Variants in RBP7 observed in about 807,000 individuals in gnomAD.
RBP7 encodes the protein retinol binding protein 7.
RBP7 carries 13 observed loss-of-function variants against 16.7 expected under a neutral mutation model. The ratio of observed to expected loss-of-function variants is 0.78; its 90% CI spans 0.51 to 1.24. The LOEUF is 1.24. Ranked by LOEUF, RBP7 falls within the 50% of genes most tolerant of loss-of-function variation. The probability of loss-of-function intolerance (pLI) is 0.00; values close to 1 mark genes in which losing one functional copy is unlikely to be tolerated. For missense variants in RBP7, 145 were observed against 159.5 expected (o/e 0.91, Z 0.49); for synonymous variants, 54 against 56.2 (o/e 0.96, Z 0.17).
chr1:10,011,397 G>C (rs1443327536), intron 3 of RBP7, among the ~76,000 whole-genome samples: 1 of 152,182 alleles, frequency 6.6e-6, no homozygotes. Context: ...TAAAGAAAAA[G>C]GCTAATCTAT....
intron 1 of RBP7, among the ~76,000 whole-genome samples, chr1:9,999,684 C>G (rs754535673): frequency 6.6e-6 from 1 of 152,150 alleles, no homozygotes; most frequent in Non-Finnish European, 1.5e-5. Flanking sequence ...TTCTGAAAAC[C>G]AGCAACTGTG....
intron 3 of RBP7, among the ~76,000 whole-genome samples, chr1:10,013,572 G>T (rs1221180808): frequency 6.6e-6 from 1 of 152,006 alleles, no homozygotes; most frequent in Non-Finnish European, 1.5e-5. Context: ...ATTTTGGAAG[G>T]TCGGGGCAGG....
chr1:10,004,793 A>G (rs1319132586), intron 1 of RBP7, among the ~76,000 whole-genome samples: 18 of 152,190 alleles, frequency 1.2e-4, no homozygotes, highest in Admixed American at 1.2e-3. Context: ...ATAGGAAATG[A>G]GCCTGAGTAA....
At chr1:10,015,307 GCACA>G in intron 3 of RBP7, among the ~76,000 whole-genome samples, 1 of 152,054 alleles carries the variant, frequency 6.6e-6, no homozygotes, top group Non-Finnish European at 1.5e-5. Context: ...GAGCATGGTG[GCACA>G]CACCTGTAAT....
chr1:10,014,334 GC>G (rs1374692430), intron 3 of RBP7, among the ~76,000 whole-genome samples: 1 of 151,832 alleles, frequency 6.6e-6, no homozygotes, highest in Non-Finnish European at 1.5e-5. Context: ...TTCCTACTTT[GC>G]CCTATGCGTC....
At chr1:10,012,939 CA>C (rs760583223) in intron 3 of RBP7, among the ~76,000 whole-genome samples, 182 of 71,344 alleles carry the variant, frequency 2.6e-3, no homozygotes, top group Middle Eastern at 8.3e-3. Context: ...GAAACTGTCT[CA>C]AAAAAAAAAA....
chr1:10,013,397 G>C (rs1369255504), intron 3 of RBP7, among the ~76,000 whole-genome samples: 1 of 151,360 alleles, frequency 6.6e-6, no homozygotes, highest in Non-Finnish European at 1.5e-5. Context: ...AAAAATATTT[G>C]GTTGCTGGGT....
intron 3 of RBP7, among the ~76,000 whole-genome samples, chr1:10,012,419 T>C (rs1340962204): frequency 6.6e-6 from 1 of 151,548 alleles, no homozygotes; most frequent in Non-Finnish European, 1.5e-5. Flanking sequence ...CCTTCGCAAA[T>C]ACGTAATATG....
intron 1 of RBP7, among the ~76,000 whole-genome samples, chr1:10,001,355 T>C (rs183246712): frequency 5.3e-5 from 8 of 151,968 alleles, no homozygotes; most frequent in Non-Finnish European, 8.8e-5. Context: ...GCTCAGGCTG[T>C]AGTGCAGTGG....
intron 3 of RBP7, 102 bp downstream of exon 3, chr1:10,008,376 C>T (rs1287578203): frequency 3.4e-5 from 23 of 684,464 alleles, no homozygotes; most frequent in South Asian, 2.4e-4. Context: ...TTTAGGAGGC[C>T]GAGGTGGGTG....
chr1:10,002,331 C>T (rs1642300163), intron 1 of RBP7, among the ~76,000 whole-genome samples: 1 of 151,680 alleles, frequency 6.6e-6, no homozygotes, highest in African/African-American at 2.4e-5. Flanking sequence ...CCCTCCTACT[C>T]GAATGTCTTA....
In RBP7 at chr1:10,007,616, GA is replaced by G; in HGVS notation, c.123del (p.Val42Ter). ...RKIAKLLKPQKVIEQNGDSFT... is the reference protein window; with the variant it reads ...RKIAKLLKPQXVIEQNGDSFT... ...AAATAGCCAAGTTGCTGAAGCCACA[GA>G]AAGTGATTGAGCAGAATGGGGATTC... is the stretch of plus-strand genomic sequence containing the variant. On this transcript the variant is annotated frameshift_variant, in exon 2 of 4. Coordinates refer to ENST00000294435, the MANE Select transcript of RBP7 (RefSeq NM_052960.3). LOFTEE classifies it high-confidence loss of function. 6.2e-7 allele frequency: 1 copy of G among 1,613,874 alleles called. No individual in the cohort carries two copies.
In RBP7 at chr1:10,015,994, T is replaced by C. The variant is rs1409895242; in HGVS notation, c.*162T>C. 2 of 620,976 alleles carry C rather than the reference T, an allele frequency of 3.2e-6. No individual in the cohort carries two copies. Among genetic ancestry groups the C allele is most frequent in the Admixed American group, 5.7e-5 (2 of 35,254 alleles). 38.5% of individuals were successfully genotyped at this position (620,976 alleles called of 1,614,324 possible). A position where few individuals can be genotyped will look rare whatever the true frequency, so the allele number is the denominator to read the frequency against. ...GTCATCTAGATTATGGGGAAACTGC[T>C]CAGCTTCAATAAACCTGTCCAAATG... On this transcript the variant is annotated 3_prime_UTR_variant, in exon 4 of 4. Coordinates refer to ENST00000294435, the MANE Select transcript of RBP7 (RefSeq NM_052960.3).
At chr1:9,998,753 G>A (rs1017712250) in intron 1 of RBP7, among the ~76,000 whole-genome samples, 1 of 152,022 alleles carries the variant, frequency 6.6e-6, no homozygotes. Flanking sequence ...TGATAAAGGG[G>A]CATTTATTTT....
rs72859572 is a variant in RBP7 at position 10,005,353 on chromosome 1, A to G, written c.74-2217A>G. Among the ~76,000 whole-genome samples, 1,165 of 152,086 alleles carry G rather than the reference A, an allele frequency of 7.7e-3. 17 individuals carry two copies. Among genetic ancestry groups the G allele is most frequent in the African/African-American group, 0.027 (1,127 of 41,488 alleles). ...CAGCCCGACCCAGGTGTGAGCCACC[A>G]TGCCCAGCCTCAGCTGTTTTTATTT... On this transcript the variant is annotated intron_variant, in intron 1 of 3. Transcript: ENST00000294435.
At chr1:10,000,382 A>G (rs1004083359) in intron 1 of RBP7, among the ~76,000 whole-genome samples, 1 of 151,994 alleles carries the variant, frequency 6.6e-6, no homozygotes, top group Non-Finnish European at 1.5e-5. Flanking sequence ...AAAAGTACAA[A>G]AATTAGCTAG....
chr1:9,999,153 GC>G (rs1642224468), intron 1 of RBP7, among the ~76,000 whole-genome samples: 1 of 152,076 alleles, frequency 6.6e-6, no homozygotes, highest in Non-Finnish European at 1.5e-5. Context: ...ATTCTCTCTT[GC>G]CTGCCACCAT....
intron 3 of RBP7, 72 bp downstream of exon 3, chr1:10,008,346 C>A: frequency 1.0e-6 from 1 of 981,618 alleles, no homozygotes; most frequent in Non-Finnish European, 1.6e-6. Context: ...CGTGGTGGCT[C>A]ACACCTGTAA....
chr1:9,998,861 G>T (rs926428257), intron 1 of RBP7, among the ~76,000 whole-genome samples: 9 of 152,132 alleles, frequency 5.9e-5, no homozygotes, highest in Non-Finnish European at 1.3e-4. Context: ...GAAGAGCAGA[G>T]AATTCTTTTA....
Sources: allele counts gnomAD v4.1 joint callset (sites outside exome capture counted in the v4.1 genomes callset), GRCh38; gene constraint gnomAD v4.1.1; transcripts MANE v1.5; gene names NCBI Gene and HGNC (gene_info 2026-07-23, HGNC 2026-07-21).